Variants in CHEK1 observed in about 807,000 individuals in gnomAD.
CHEK1 encodes the protein checkpoint kinase 1, also known as serine/threonine-protein kinase Chk1.
In CHEK1, 32 loss-of-function variants were observed where a neutral mutation model predicts 60.2. The observed-to-expected ratio is 0.53, with a 90% CI of 0.40 to 0.71. The LOEUF is 0.71. CHEK1 is among the 30% of genes least tolerant of loss of function. The pLI, the probability that CHEK1 is intolerant of heterozygous loss-of-function variation, is 0.00. For synonymous variants in CHEK1, 179 were observed against 187.2 expected (o/e 0.96, Z 0.36); for missense variants, 399 against 564.6 (o/e 0.71, Z 2.97).
chr11:125,637,354 A>G (rs1941110254), intron 7 of CHEK1, 95 bp from the exon 8 acceptor site: 1 of 819,894 alleles, frequency 1.2e-6, no homozygotes, highest in Non-Finnish European at 1.9e-6. Context: ...ATATTTAGAC[A>G]TAAGTAGGCT....
intron 13 of CHEK1, among the ~76,000 whole-genome samples, chr11:125,672,946 G>A (rs1222090284): frequency 6.6e-6 from 1 of 152,024 alleles, no homozygotes; most frequent in Non-Finnish European, 1.5e-5. Context: ...GGTTTACAAG[G>A]ATGCTCAGGT....
At chr11:125,677,805 G>A, downstream of CHEK1, 2 of 1,614,114 alleles carry the variant, frequency 1.2e-6, no homozygotes, top group South Asian at 1.1e-5. Context: ...ACCTGTAGAT[G>A]TGCTTGAAAT....
downstream of CHEK1, among the ~76,000 whole-genome samples, chr11:125,658,047 AGTT>A (rs1255293118): frequency 2.0e-5 from 3 of 152,084 alleles, no homozygotes; most frequent in East Asian, 1.9e-4. Context: ...GGTCAGTATA[AGTT>A]GTTGTTTTTG....
At chr11:125,660,298 C>T (rs974121473), downstream of CHEK1, among the ~76,000 whole-genome samples, 4 of 152,150 alleles carry the variant, frequency 2.6e-5, no homozygotes, top group Non-Finnish European at 5.9e-5. Flanking sequence ...ATATTCAGAT[C>T]TTACATATCT....
Position 125,625,670 on chromosome 11 carries a change from T to A in CHEK1, c.-363T>A. Reference sequence around the variant, plus strand: ...CGCGCGCCCCTGAGGCTTGGAGGCCTGGGCTTCCCCCAGCAGCGCTCGAGC... The same window carrying A: ...CGCGCGCCCCTGAGGCTTGGAGGCCAGGGCTTCCCCCAGCAGCGCTCGAGC... On this transcript the variant is annotated 5_prime_UTR_variant, in exon 1 of 13. Transcript: ENST00000438015. The A allele has an allele frequency of 1.6e-6, 1 of 609,372 alleles. No individual in the cohort carries two copies. Among genetic ancestry groups the A allele is most frequent in the South Asian group, 1.9e-5 (1 of 53,650 alleles). The allele number at this position is 609,372 out of a possible 1,614,324, so 37.7% of individuals were successfully genotyped here.
At chr11:125,646,799 C>T (rs1941524178) in intron 11 of CHEK1, among the ~76,000 whole-genome samples, 1 of 152,110 alleles carries the variant, frequency 6.6e-6, no homozygotes, top group Non-Finnish European at 1.5e-5. Context: ...CATGCTTTAA[C>T]TGGCTTGTTT....
chr11:125,633,278 G>A lies in CHEK1; in HGVS notation c.540G>A (p.Lys180=), dbSNP rs771504275. ...TLPYVAPELL[K]RREFHAEPVD... ...CATATGTTGCTCCAGAACTTCTGAA[G>A]AGAAGAGAATTTCATGCAGAACCAG... Residue 180 remains lysine (K), a synonymous_variant, in exon 6 of 13, where the codon AAG becomes AAA. Coordinates refer to ENST00000438015, the MANE Select transcript of CHEK1 (RefSeq NM_001114122.3). 3.0e-5 allele frequency: 49 copies of A among 1,607,480 alleles called. No homozygotes were observed. The highest frequency in any genetic ancestry group is 3.9e-5 in the Non-Finnish European group (46 of 1,178,180).
At chr11:125,676,460 T>A, downstream of CHEK1, 1 of 1,614,188 alleles carries the variant, frequency 6.2e-7, no homozygotes, top group African/African-American at 1.3e-5. Context: ...AGCACATGTG[T>A]AGCAATTTAA....
At position 125,653,184 on chromosome 11, in the gene CHEK1, ATATCATAT is replaced by A. The variant is rs1424700300; in HGVS notation, c.1234-557_1234-550del. On this transcript the variant is annotated intron_variant, in intron 11 of 12. Transcript: ENST00000438015. The surrounding 1 kb of genome is among the most constrained non-coding windows in gnomAD (Gnocchi z 4.3). The stretch of plus-strand genomic sequence containing the variant: ...CTGAGTAGTATTTCATTGTGTATAT[ATATCATAT>A]TATCCTCATCTGTTTGCTTGGCTTT... Among the ~76,000 whole-genome samples, 1 of 152,018 alleles carries A rather than the reference ATATCATAT, an allele frequency of 6.6e-6. No homozygotes were observed. Among genetic ancestry groups the A allele is most frequent in the African/African-American group, 2.4e-5 (1 of 41,388 alleles).
At chr11:125,632,053 G>T (rs1440741736) in intron 5 of CHEK1, among the ~76,000 whole-genome samples, 1 of 151,912 alleles carries the variant, frequency 6.6e-6, no homozygotes, top group Non-Finnish European at 1.5e-5. Context: ...CTATCAATTT[G>T]TGTAAAAGGC....
intron 13 of CHEK1, among the ~76,000 whole-genome samples, chr11:125,667,878 C>G (rs769686876): frequency 1.7e-4 from 26 of 152,146 alleles, no homozygotes; most frequent in Non-Finnish European, 2.9e-5. Context: ...ACATCAGCCT[C>G]CCAAAAAGTG....
chr11:125,647,416 A>G (rs1054046017), intron 11 of CHEK1, among the ~76,000 whole-genome samples: 10 of 150,930 alleles, frequency 6.6e-5, no homozygotes, highest in African/African-American at 2.4e-4. Flanking sequence ...CCGTTACCAC[A>G]CTATGTTGAT....
At position 125,653,376 on chromosome 11, in the gene CHEK1, G is replaced by A. The variant is rs566171075; in HGVS notation, c.1234-370G>A. 7.9e-5 allele frequency among the ~76,000 whole-genome samples: 12 copies of A among 152,198 alleles called. No individual in the cohort carries two copies. In the East Asian group the frequency reaches 1.2e-3, roughly 15 times the overall value. ...CCTGTAGGCATGCACCACCATGCCCGCTAATTTTTTGGGAATTTTAGTAGA... is the reference window on the plus strand; with the variant it reads ...CCTGTAGGCATGCACCACCATGCCCACTAATTTTTTGGGAATTTTAGTAGA... On this transcript the variant is annotated intron_variant, in intron 11 of 12. Transcript: ENST00000438015. This position sits in a 1 kb window ranked among gnomAD's most constrained non-coding sequence, Gnocchi z 4.3.
chr11:125,644,662 C>A lies in CHEK1; in HGVS notation c.1233+19C>A. The A allele has an allele frequency of 6.2e-7, 1 of 1,606,496 alleles. No homozygotes were observed. Among genetic ancestry groups the A allele is most frequent in the South Asian group, 1.1e-5 (1 of 89,444 alleles). ...GAATCAGGTGTGTTTCATTGATTTTCATTATACCTTTTCCTGAAGAAGAAT... is the reference window on the plus strand; with the variant it reads ...GAATCAGGTGTGTTTCATTGATTTTAATTATACCTTTTCCTGAAGAAGAAT... On this transcript the variant is annotated intron_variant, in intron 11 of 12. Coordinates refer to ENST00000438015, the MANE Select transcript of CHEK1 (RefSeq NM_001114122.3).
intron 10 of CHEK1, 54 bp downstream of exon 10, chr11:125,644,322 T>A: frequency 6.5e-7 from 1 of 1,533,206 alleles, no homozygotes. Flanking sequence ...TTTTATTGTC[T>A]TAAAGTCCTT....
chr11:125,647,176 G>A (rs1247185565), intron 11 of CHEK1, among the ~76,000 whole-genome samples: 4 of 152,128 alleles, frequency 2.6e-5, no homozygotes, highest in African/African-American at 2.4e-5. Flanking sequence ...TTTGTATATA[G>A]TATGATGTAG....
chr11:125,678,801 C>G (rs1005580336), downstream of CHEK1, among the ~76,000 whole-genome samples: 1 of 151,478 alleles, frequency 6.6e-6, no homozygotes, highest in Non-Finnish European at 1.5e-5. Context: ...GAAGAGTTAA[C>G]CTTTGGACAG....
intron 13 of CHEK1, among the ~76,000 whole-genome samples, chr11:125,669,782 C>A (rs1035035985): frequency 6.6e-6 from 1 of 152,026 alleles, no homozygotes; most frequent in African/African-American, 2.4e-5. Flanking sequence ...CCTCGGCCTC[C>A]CAAAGTGCTG....
chr11:125,667,433 T>C (rs960438712), intron 13 of CHEK1, among the ~76,000 whole-genome samples: 3 of 152,196 alleles, frequency 2.0e-5, no homozygotes, highest in East Asian at 3.8e-4. Context: ...TGGAACACTA[T>C]TGGTTTATAA....
Sources: gnomAD v4.1 joint callset for allele counts (sites outside exome capture counted in the v4.1 genomes callset) on GRCh38, gnomAD v4.1.1 for gene constraint, Gnocchi (gnomAD v3.1) non-coding constraint, MANE v1.5 for transcripts, NCBI Gene and HGNC (gene_info 2026-07-23, HGNC 2026-07-21) for gene names.